DYNC1I1: variants seen among roughly 807,000 people sequenced by gnomAD.
DYNC1I1 encodes dynein cytoplasmic 1 intermediate chain 1.
Under a neutral mutation model 86.6 loss-of-function variants are expected in DYNC1I1, and 43 were observed. The observed-to-expected ratio is 0.50, with a 90% CI of 0.39 to 0.64. DYNC1I1 has a LOEUF of 0.64. Ranked by LOEUF, DYNC1I1 falls within the 30% of genes least tolerant of loss-of-function variation. DYNC1I1 has a pLI of 0.00. For synonymous variants in DYNC1I1, 262 were observed against 283.7 expected (o/e 0.92, Z 0.77); for missense variants, 604 against 788.8 (o/e 0.77, Z 2.81).
chr7:95,881,742 C>T (rs1790460512), intron 6 of DYNC1I1, among the ~76,000 whole-genome samples: 1 of 152,222 alleles, frequency 6.6e-6, no homozygotes, highest in East Asian at 1.9e-4. Flanking sequence ...ACTTTTGATT[C>T]CCTCTGCCTG....
chr7:95,978,977 G>A lies in DYNC1I1; in HGVS notation c.580+1376G>A, dbSNP rs142909789. Among the ~76,000 whole-genome samples the A allele has an allele frequency of 4.1e-3, 631 of 152,232 alleles. 13 individuals are homozygous for A. Among genetic ancestry groups the A allele is most frequent in the Admixed American group, 0.031 (467 of 15,284 alleles). On this transcript the variant is annotated intron_variant, in intron 7 of 16. Transcript: ENST00000447467. ...TGCCTGGCTAATTTTTGTATTTGTA[G>A]TAGAGACGGGGTTTCACCATACTGG...
intron 6 of DYNC1I1, among the ~76,000 whole-genome samples, chr7:95,914,792 C>T (rs1413816619): frequency 1.3e-5 from 2 of 152,210 alleles, no homozygotes; most frequent in Non-Finnish European, 2.9e-5. Flanking sequence ...ATTCTCCCGG[C>T]TGGGTGCCAG....
At chr7:95,958,577 G>A (rs965661494) in intron 6 of DYNC1I1, among the ~76,000 whole-genome samples, 2 of 151,900 alleles carry the variant, frequency 1.3e-5, no homozygotes, top group African/African-American at 4.8e-5. Context: ...AAAAAGAAAA[G>A]AAAAGGAAAT....
intron 6 of DYNC1I1, among the ~76,000 whole-genome samples, chr7:95,872,573 C>T (rs1790201390): frequency 6.6e-6 from 1 of 152,132 alleles, no homozygotes; most frequent in African/African-American, 2.4e-5. Context: ...TGAACATTCT[C>T]ATCATAGTAA....
chr7:96,030,508 CT>C (rs1327304592), intron 11 of DYNC1I1, among the ~76,000 whole-genome samples: 4 of 151,766 alleles, frequency 2.6e-5, no homozygotes, highest in Non-Finnish European at 5.9e-5. Context: ...GCCACACACA[CT>C]TTCTCCGGGC....
At chr7:96,018,070 T>TCTCTACACCAGCAGCAGAAACCCAA (rs1412638114) in intron 10 of DYNC1I1, among the ~76,000 whole-genome samples, 1 of 149,976 alleles carries the variant, frequency 6.7e-6, no homozygotes, top group African/African-American at 2.5e-5. Context: ...AGGTGAGCGA[T>TCTCTACACCAGCAGCAGAAACCCAA]CTCTACACCA....
At chr7:96,105,605 C>A (rs967268372) in intron 16 of DYNC1I1, among the ~76,000 whole-genome samples, 5 of 152,120 alleles carry the variant, frequency 3.3e-5, no homozygotes, top group African/African-American at 1.2e-4. Context: ...GAATACTGAT[C>A]TATAATTTTC....
chr7:95,868,800 C>T (rs986670252), intron 5 of DYNC1I1, among the ~76,000 whole-genome samples: 1 of 152,058 alleles, frequency 6.6e-6, no homozygotes, highest in African/African-American at 2.4e-5. Context: ...CCTCTGTCTC[C>T]GTTTTACAGA....
rs778695845 is a variant in DYNC1I1, at chr7:96,080,347, G to T, written c.1651-16G>T. 3 of 1,580,172 alleles carry T rather than the reference G, an allele frequency of 1.9e-6. No homozygotes were observed. The East Asian group carries it at 6.7e-5, about 35-fold the overall frequency. ...TATTCAGAGATTCTTTTATTCTGTT[G>T]TGAACCCTTTGGCAGGTTCCAACAG... On this transcript the variant is annotated splice_polypyrimidine_tract_variant and intron_variant, in intron 15 of 16. Coordinates refer to ENST00000447467, the MANE Select transcript of DYNC1I1 (RefSeq NM_001135556.2).
chr7:96,063,107 A>ATGTGTG (rs983610560), intron 14 of DYNC1I1, among the ~76,000 whole-genome samples: 235 of 129,168 alleles, frequency 1.8e-3, no homozygotes, highest in Middle Eastern at 4.0e-3. Context: ...GTGTATATAT[A>ATGTGTG]TGTGTGTGTG....
rs748987083 is a variant in DYNC1I1, at chr7:96,058,291, TTG to T, written c.1510-17765_1510-17764del. Among the ~76,000 whole-genome samples the T allele has an allele frequency of 5.2e-4, 79 of 152,298 alleles. 2 individuals carry two copies. Among genetic ancestry groups the T allele is most frequent in the Non-Finnish European group, 8.5e-4 (58 of 68,012 alleles). ...AAATTCATGCTTTGTGTTTTTAACT[TTG>T]ATAAGAATAGAAACGTGACACGATC... On this transcript the variant is annotated intron_variant, in intron 14 of 16. Coordinates refer to ENST00000447467, the MANE Select transcript of DYNC1I1 (RefSeq NM_001135556.2).
chr7:95,857,748 A>G (rs981399499), intron 5 of DYNC1I1, among the ~76,000 whole-genome samples: 1 of 152,238 alleles, frequency 6.6e-6, no homozygotes, highest in African/African-American at 2.4e-5. Flanking sequence ...CACTCTGACA[A>G]GTAATTTTCC....
intron 1 of DYNC1I1, among the ~76,000 whole-genome samples, chr7:95,773,289 G>T (rs1160340085): frequency 1.3e-5 from 2 of 152,216 alleles, no homozygotes; most frequent in African/African-American, 2.4e-5. Context: ...TTCCAGCAGG[G>T]CATTAATTAA....
At chr7:95,849,073 G>A (rs2116056573) in intron 5 of DYNC1I1, among the ~76,000 whole-genome samples, 1 of 152,006 alleles carries the variant, frequency 6.6e-6, no homozygotes, top group Admixed American at 6.6e-5. Context: ...TCAAAATCTG[G>A]TTATTGTTTT....
intron 14 of DYNC1I1, among the ~76,000 whole-genome samples, chr7:96,044,600 C>T (rs1181945766): frequency 6.6e-6 from 1 of 151,860 alleles, no homozygotes; most frequent in African/African-American, 2.4e-5. Context: ...ATAGCATGGA[C>T]AGGGAAGTGA....
At chr7:95,869,696 C>T (rs977509306) in intron 5 of DYNC1I1, among the ~76,000 whole-genome samples, 187 bp from the exon 6 acceptor site, 5 of 152,198 alleles carry the variant, frequency 3.3e-5, no homozygotes, top group African/African-American at 9.6e-5. Flanking sequence ...TTAGGGCCAA[C>T]GTGGGCCAAG....
chr7:95,924,553 C>G (rs372366232), intron 6 of DYNC1I1, among the ~76,000 whole-genome samples: 1 of 152,124 alleles, frequency 6.6e-6, no homozygotes, highest in Non-Finnish European at 1.5e-5. Context: ...GTATGTCCAT[C>G]GGACAGCAGT....
chr7:95,982,805 T>G (rs1364119013), intron 7 of DYNC1I1, among the ~76,000 whole-genome samples: 2 of 152,184 alleles, frequency 1.3e-5, no homozygotes, highest in African/African-American at 4.8e-5. Flanking sequence ...CAAAACAAAA[T>G]GGACTTAGTA....
Position 95,869,918 on chromosome 7 carries a change from C to T in DYNC1I1, c.410C>T (p.Thr137Ile). Reference protein sequence around the residue: ...RLHKLGVSKVTQVDFLPREVV... With the variant: ...RLHKLGVSKVIQVDFLPREVV... ...CATAAACTGGGCGTGTCAAAGGTCA[C>T]CCAAGTGGATTTCCTGCCAAGGGAA... Residue 137 changes from threonine to isoleucine, a missense_variant, in exon 6 of 17, where the codon ACC becomes ATC. By Grantham distance (89) the Thr-to-Ile change is moderately conservative. Coordinates refer to ENST00000447467, the MANE Select transcript of DYNC1I1 (RefSeq NM_001135556.2). 1.2e-6 allele frequency: 2 copies of T among 1,614,092 alleles called. No homozygotes were observed. Among genetic ancestry groups the T allele is most frequent in the Non-Finnish European group, 1.7e-6 (2 of 1,179,970 alleles).
Sources: gnomAD v4.1 joint callset for allele counts (sites outside exome capture counted in the v4.1 genomes callset) on GRCh38, gnomAD v4.1.1 for gene constraint, MANE v1.5 for transcripts, NCBI Gene and HGNC (gene_info 2026-07-23, HGNC 2026-07-21) for gene names.